The following COP1 variants were observed in gnomAD, a reference collection of about 807,000 sequenced individuals.
The protein encoded by COP1 is E3 ubiquitin-protein ligase COP1.
A neutral mutation model predicts 101.3 loss-of-function variants in COP1; 24 were observed. The observed-to-expected ratio is 0.24, with a 90% CI of 0.17 to 0.33. The LOEUF is 0.33. COP1 is among the 10% of genes least tolerant of loss of function. The probability of loss-of-function intolerance (pLI) is 1.00; values close to 1 mark genes in which losing one functional copy is unlikely to be tolerated. For missense variants in COP1, 663 were observed against 906.2 expected, an observed-to-expected ratio of 0.73 and a Z score of 3.45; for synonymous variants, 347 against 341.9, an observed-to-expected ratio of 1.01 and a Z score of -0.17.
chr1:176,182,958 G>A (rs942814149), intron 2 of COP1, among the ~76,000 whole-genome samples: 1 of 152,120 alleles, frequency 6.6e-6, no homozygotes, highest in Non-Finnish European at 1.5e-5. Flanking sequence ...TGAGGAGGTA[G>A]GTAAGAAAAA....
At chr1:175,987,769 T>A (rs1351091921) in intron 17 of COP1, among the ~76,000 whole-genome samples, 1 of 152,240 alleles carries the variant, frequency 6.6e-6, no homozygotes, top group Non-Finnish European at 1.5e-5. Context: ...AGGCATTAGA[T>A]GTATCAGAGC....
At chr1:176,139,284 A>AAG (rs1690282062) in intron 6 of COP1, among the ~76,000 whole-genome samples, 3 of 124,680 alleles carry the variant, frequency 2.4e-5, no homozygotes, top group African/African-American at 8.8e-5. Context: ...AAAAACAAAA[A>AAG]AAACAAAAAA....
At position 175,988,298 on chromosome 1, in the gene COP1, A is replaced by G; in HGVS notation, c.1962T>C (p.Tyr654=). The change falls in exon 17 of 20, where the codon TAT becomes TAC. Residue 654 remains tyrosine, a synonymous_variant. Transcript: ENST00000367669. The part of the protein sequence containing the change: ...NFVGLASNGD[Y]IACGSENNSL... Reference sequence around the variant, plus strand: ...GATGGTTTCACTTACCACAAGCTATATAATCTCCATTGGAAGCCAGGCCTA... The same window carrying G: ...GATGGTTTCACTTACCACAAGCTATGTAATCTCCATTGGAAGCCAGGCCTA... The G allele has an allele frequency of 6.2e-7, 1 of 1,611,330 alleles. No individual in the cohort carries two copies. The highest frequency in any genetic ancestry group is 8.5e-7 in the Non-Finnish European group (1 of 1,178,548).
intron 1 of COP1, among the ~76,000 whole-genome samples, chr1:176,202,792 G>A (rs571773542): frequency 6.6e-6 from 1 of 152,000 alleles, no homozygotes; most frequent in Non-Finnish European, 1.5e-5. Context: ...TAGTCCATTA[G>A]AGTATTTAAC....
intron 15 of COP1, among the ~76,000 whole-genome samples, chr1:176,004,082 G>C (rs916540720): frequency 3.6e-4 from 54 of 148,542 alleles, no homozygotes; most frequent in African/African-American, 1.2e-3. Flanking sequence ...TTGTAAGTTG[G>C]ATTCCTAGGT....
intron 11 of COP1, among the ~76,000 whole-genome samples, chr1:176,058,895 CAT>C (rs1674349308): frequency 6.6e-6 from 1 of 151,938 alleles, no homozygotes; most frequent in African/African-American, 2.4e-5. Flanking sequence ...GGACTTCAAA[CAT>C]ATATAAACCT....
At chr1:176,132,579 T>C (rs1689074232) in intron 8 of COP1, among the ~76,000 whole-genome samples, 1 of 143,572 alleles carries the variant, frequency 7.0e-6, no homozygotes, top group Non-Finnish European at 1.5e-5. Flanking sequence ...ATATATACTA[T>C]ATATACACAC....
At chr1:176,154,631 C>T (rs1242483644) in intron 5 of COP1, among the ~76,000 whole-genome samples, 2 of 151,922 alleles carry the variant, frequency 1.3e-5, no homozygotes, top group Non-Finnish European at 2.9e-5. Context: ...TGGGGCCTAT[C>T]GGAGGGTAGA....
intron 9 of COP1, among the ~76,000 whole-genome samples, chr1:176,109,826 A>G (rs1684968151): frequency 6.6e-6 from 1 of 152,124 alleles, no homozygotes; most frequent in African/African-American, 2.4e-5. Flanking sequence ...TTTATGTTGT[A>G]TATGGGCTTT....
At chr1:176,101,743 C>T (rs59540069) in intron 9 of COP1, among the ~76,000 whole-genome samples, 10,084 of 152,248 alleles carry the variant, frequency 0.066, 420 homozygotes, top group Middle Eastern at 0.12. Context: ...ACCCAGTTGT[C>T]TCTTCTTGCC....
chr1:176,115,187 G>A (rs1038317008), intron 9 of COP1, among the ~76,000 whole-genome samples: 4 of 152,190 alleles, frequency 2.6e-5, no homozygotes, highest in South Asian at 2.1e-4. Flanking sequence ...GGTGGCTCAC[G>A]CCTGTAATCC....
rs139900948 is a variant in COP1 at position 176,001,647 on chromosome 1, C to A, written c.1730-12168G>T. Among the ~76,000 whole-genome samples, 1,016 of 152,160 alleles carry A rather than the reference C, an allele frequency of 6.7e-3. 44 individuals carry two copies. Among genetic ancestry groups the A allele is most frequent in the Admixed American group, 0.048 (727 of 15,258 alleles). On this transcript the variant is annotated intron_variant, in intron 15 of 19. Transcript: ENST00000367669. ...AATAAAAATTCTTTACAAAAAAATTCATCTAAACTATCTTTTTATATACCG... is the reference window on the plus strand; with the variant it reads ...AATAAAAATTCTTTACAAAAAAATTAATCTAAACTATCTTTTTATATACCG...
At chr1:176,006,099 G>A (rs937300317) in intron 15 of COP1, among the ~76,000 whole-genome samples, 1 of 152,174 alleles carries the variant, frequency 6.6e-6, no homozygotes, top group Non-Finnish European at 1.5e-5. Flanking sequence ...TTACCATTAT[G>A]TAATGGCCTT....
At chr1:175,965,244 A>G (rs4409605) in intron 18 of COP1, among the ~76,000 whole-genome samples, 60,572 of 152,004 alleles carry the variant, frequency 0.4, 12,283 homozygotes, top group Middle Eastern at 0.45. Flanking sequence ...CCACAGAACA[A>G]TTTCAAATAA....
intron 9 of COP1, among the ~76,000 whole-genome samples, chr1:176,108,866 C>T (rs1204656156): frequency 1.3e-5 from 2 of 152,112 alleles, no homozygotes; most frequent in African/African-American, 2.4e-5. Context: ...CTAATCCCAG[C>T]ACTTTGGGAG....
intron 11 of COP1, among the ~76,000 whole-genome samples, chr1:176,073,120 A>T (rs372145889): frequency 6.6e-6 from 1 of 152,226 alleles, no homozygotes; most frequent in East Asian, 1.9e-4. Flanking sequence ...AGTTTTTTTC[A>T]TCTGTAAAAT....
intron 5 of COP1, among the ~76,000 whole-genome samples, chr1:176,151,387 A>AAGAAAGAAAG (rs1692532947): frequency 1.4e-5 from 2 of 147,782 alleles, no homozygotes; most frequent in African/African-American, 4.9e-5. Flanking sequence ...GAAAGAAAGA[A>AAGAAAGAAAG]AGAAAGAAAG....
At chr1:175,964,519 A>G (rs990215743) in intron 18 of COP1, among the ~76,000 whole-genome samples, 8 of 152,220 alleles carry the variant, frequency 5.3e-5, no homozygotes, top group African/African-American at 1.9e-4. Context: ...ACACTGAAAT[A>G]CTATTTACAT....
chr1:175,976,270 CTTTTTTTT>C (rs10694480), intron 18 of COP1, among the ~76,000 whole-genome samples: 10 of 56,858 alleles, frequency 1.8e-4, no homozygotes, highest in South Asian at 8.2e-4. Flanking sequence ...ATTAGTCATT[CTTTTTTTT>C]TTTTTTTTTT....
Sources: allele counts gnomAD v4.1 joint callset (sites outside exome capture counted in the v4.1 genomes callset), GRCh38; gene constraint gnomAD v4.1.1; transcripts MANE v1.5; gene names NCBI Gene and HGNC (gene_info 2026-07-23, HGNC 2026-07-21).